The following ZNF652 variants were observed in gnomAD, a reference collection of about 807,000 sequenced individuals.
ZNF652 encodes the protein zinc finger protein 652.
Under a neutral mutation model 45.2 loss-of-function variants are expected in ZNF652, and 16 were observed. The ratio of observed to expected loss-of-function variants is 0.35; its 90% CI spans 0.24 to 0.54. ZNF652 has a LOEUF of 0.54. Among genes scored for constraint, ZNF652 ranks in the 20% least tolerant of loss-of-function variants. ZNF652 has a pLI of 0.91. For synonymous variants in ZNF652, 250 were observed against 260.6 expected (o/e 0.96, Z 0.39); for missense variants, 614 against 765.6 (o/e 0.80, Z 2.34).
chr17:49,305,723 T>C (rs1423162330), intron 5 of ZNF652, among the ~76,000 whole-genome samples: 2 of 152,138 alleles, frequency 1.3e-5, no homozygotes, highest in Admixed American at 1.3e-4. Context: ...AATTCATCCT[T>C]GTGTCTCTAG....
intron 5 of ZNF652, among the ~76,000 whole-genome samples, chr17:49,307,794 G>C (rs982699194): frequency 2.0e-5 from 3 of 152,040 alleles, no homozygotes; most frequent in African/African-American, 7.2e-5. Flanking sequence ...CACTTTATAG[G>C]ATTGTTGCAA....
rs2069830553 is a variant in ZNF652 at position 49,317,719 on chromosome 17, G to T, written c.7C>A (p.His3Asn). The T allele has an allele frequency of 6.3e-7, 1 of 1,580,058 alleles. No individual in the cohort carries two copies. Among genetic ancestry groups the T allele is most frequent in the Non-Finnish European group, 8.6e-7 (1 of 1,158,622 alleles). Reference protein sequence around the residue: MSHTASSCQELVE... With the variant: MSNTASSCQELVE... Reference sequence around the variant, plus strand: ...AGCTCCTGACAAGAACTGGCTGTGTGGCTCATTGGTAAGTGGCCCAATTTA... The same window carrying T: ...AGCTCCTGACAAGAACTGGCTGTGTTGCTCATTGGTAAGTGGCCCAATTTA... Residue 3 changes from histidine to asparagine, a missense_variant, in exon 2 of 6, where the codon CAC (histidine) becomes AAC (asparagine). Around this residue, in one of 5 missense-constraint regions of ZNF652, gnomAD observed 133 missense variants for 132.2 expected, o/e 1.01. Coordinates refer to ENST00000430262, the MANE Select transcript of ZNF652 (RefSeq NM_001145365.3).
At chr17:49,335,111 T>G (rs962584114) in intron 1 of ZNF652, among the ~76,000 whole-genome samples, 7 of 152,114 alleles carry the variant, frequency 4.6e-5, no homozygotes, top group African/African-American at 1.4e-4. Context: ...AATGATAAAT[T>G]TTATAGTAAA....
At chr17:49,349,432 T>C (rs2070246970) in intron 1 of ZNF652, among the ~76,000 whole-genome samples, 1 of 152,088 alleles carries the variant, frequency 6.6e-6, no homozygotes, top group Admixed American at 6.6e-5. Context: ...ACAAATGTAA[T>C]GCAGTGAGTT....
Position 49,323,749 on chromosome 17 carries a change from T to C in ZNF652, c.-258-5766A>G, listed in dbSNP as rs907729659. Among the ~76,000 whole-genome samples the C allele has an allele frequency of 7.9e-5, 12 of 152,320 alleles. 1 individual carries two copies. In the South Asian group the frequency reaches 2.5e-3, roughly 32 times the overall value. On this transcript the variant is annotated intron_variant, in intron 1 of 5. Transcript: ENST00000430262. ...CCATCAGAGCTCTTGGGTAACTAGG[T>C]GCACTGTCAATGAGCAGTAACATTT...
At chr17:49,304,312 C>T (rs1282731881) in intron 5 of ZNF652, among the ~76,000 whole-genome samples, 1 of 152,070 alleles carries the variant, frequency 6.6e-6, no homozygotes, top group African/African-American at 2.4e-5. Context: ...TTTTTTACTG[C>T]TTAGTAATCT....
At chr17:49,312,580 G>A (rs1199485485) in intron 3 of ZNF652, 118 bp downstream of exon 3, 2 of 1,134,864 alleles carry the variant, frequency 1.8e-6, no homozygotes, top group African/African-American at 1.6e-5. Context: ...AATGCATTCA[G>A]TTTCAACATG....
intron 1 of ZNF652, among the ~76,000 whole-genome samples, chr17:49,351,284 T>C (rs2143103155): frequency 6.6e-6 from 1 of 151,984 alleles, no homozygotes; most frequent in East Asian, 1.9e-4. Context: ...ATCATAACAC[T>C]ATGGGAATTC....
In ZNF652 at chr17:49,294,813, T is replaced by G. The variant is rs1484222605; in HGVS notation, c.*3600A>C. The G allele has an allele frequency of 6.6e-6, 1 of 152,212 alleles. No homozygotes were observed. The highest frequency in any genetic ancestry group is 1.5e-5 in the Non-Finnish European group (1 of 68,032). The allele number at this position is 152,212 out of a possible 1,614,324, so 9.4% of individuals were successfully genotyped here. On this transcript the variant is annotated 3_prime_UTR_variant, in exon 6 of 6. Coordinates refer to ENST00000430262, the MANE Select transcript of ZNF652 (RefSeq NM_001145365.3). ...CTATATAATGCTTAAATGCAGCCTT[T>G]GTTGTCTTTAACAGACATGTACAGA...
At chr17:49,314,364 G>C (rs1157799757) in intron 2 of ZNF652, among the ~76,000 whole-genome samples, 1 of 152,038 alleles carries the variant, frequency 6.6e-6, no homozygotes, top group Non-Finnish European at 1.5e-5. Flanking sequence ...GTTTCACTAT[G>C]TTGGCCAGGC....
chr17:49,303,521 T>C (rs567568885), intron 5 of ZNF652, among the ~76,000 whole-genome samples: 1 of 152,236 alleles, frequency 6.6e-6, no homozygotes, highest in African/African-American at 2.4e-5. Context: ...ATTACAGGTG[T>C]GAGCCACTGC....
chr17:49,299,323 T>C (rs2069520679), intron 5 of ZNF652, among the ~76,000 whole-genome samples: 1 of 152,160 alleles, frequency 6.6e-6, no homozygotes. Context: ...CTCAAGGAAA[T>C]ATCCTAGATG....
intron 1 of ZNF652, among the ~76,000 whole-genome samples, chr17:49,341,579 G>C (rs1471979693): frequency 6.6e-6 from 1 of 151,040 alleles, no homozygotes; most frequent in African/African-American, 2.4e-5. Flanking sequence ...AGGAAGGATC[G>C]CTTGAGCCAG....
In ZNF652 at chr17:49,292,349, T is replaced by C. The variant is rs187873548; in HGVS notation, c.*6064A>G. 2.0e-3 allele frequency among the ~76,000 whole-genome samples: 299 copies of C among 152,254 alleles called. No individual in the cohort carries two copies. The highest frequency in any genetic ancestry group is 6.9e-3 in the African/African-American group (287 of 41,550). On this transcript the variant is annotated 3_prime_UTR_variant, in exon 6 of 6. Transcript: ENST00000430262. ...AATGTTTCATCACGGAGGTGCTCGA[T>C]CATATTATATAAAACACTGCAACCT...
At chr17:49,309,330 A>T (rs1227463049) in intron 5 of ZNF652, among the ~76,000 whole-genome samples, 10 of 8,810 alleles carry the variant, frequency 1.1e-3, no homozygotes, top group East Asian at 4.2e-3. Context: ...TGTCTCTACT[A>T]AAAAAAAAAA....
chr17:49,327,765 ATATATATATATATATTTT>A (rs2069977390), intron 1 of ZNF652, among the ~76,000 whole-genome samples: 2 of 4,988 alleles, frequency 4.0e-4, no homozygotes, highest in Non-Finnish European at 3.9e-4. Context: ...ATATATATAT[ATATATATATATATATTTT>A]TTTTTTTTTT....
chr17:49,352,874 G>A (rs1327266799), intron 1 of ZNF652, among the ~76,000 whole-genome samples: 4 of 152,198 alleles, frequency 2.6e-5, no homozygotes. Context: ...AAAGAAGCCA[G>A]TCTCTAAAGG....
rs1295750479 is a variant in ZNF652 at position 49,296,052 on chromosome 17, T to C, written c.*2361A>G. The C allele has an allele frequency of 1.3e-5, 2 of 150,800 alleles. No individual in the cohort carries two copies. The highest frequency in any genetic ancestry group is 1.9e-4 in the East Asian group (1 of 5,170). 9.3% of individuals were successfully genotyped at this position (150,800 alleles called of 1,614,324 possible). A position where few individuals can be genotyped will look rare whatever the true frequency, so the allele number is the denominator to read the frequency against. On this transcript the variant is annotated 3_prime_UTR_variant, in exon 6 of 6. Coordinates refer to ENST00000430262, the MANE Select transcript of ZNF652 (RefSeq NM_001145365.3). Reference sequence around the variant, plus strand: ...TACTACAGGCTTGACCATGAAATAATGATATGTCTATATAAAAGTGTAGGT... The same window carrying C: ...TACTACAGGCTTGACCATGAAATAACGATATGTCTATATAAAAGTGTAGGT...
chr17:49,344,123 C>T (rs1244619699), intron 1 of ZNF652, among the ~76,000 whole-genome samples: 1 of 151,998 alleles, frequency 6.6e-6, no homozygotes, highest in Admixed American at 6.6e-5. Context: ...ATGGCATGAA[C>T]CCGGGAGGCG....
Sources: allele counts gnomAD v4.1 joint callset (sites outside exome capture counted in the v4.1 genomes callset), GRCh38; gene constraint gnomAD v4.1.1; regional missense constraint gnomAD v4.1.1; transcripts MANE v1.5; gene names NCBI Gene and HGNC (gene_info 2026-07-23, HGNC 2026-07-21).